RBM20: variants seen among roughly 807,000 people sequenced by gnomAD.
RBM20 encodes RNA-binding protein 20.
A neutral mutation model predicts 110.1 loss-of-function variants in RBM20; 51 were observed. The observed-to-expected ratio is 0.46, with a 90% confidence interval of 0.37 to 0.59. The LOEUF is 0.59. RBM20 is among the 20% of genes least tolerant of loss of function. The pLI is 0.00. For missense variants in RBM20, 1,512 were observed against 1,574.9 expected (o/e 0.96, Z 0.68); for synonymous variants, 589 against 618.2 (o/e 0.95, Z 0.70).
At chr10:110,820,553 C>T (rs1422548301) in intron 10 of RBM20, among the ~76,000 whole-genome samples, 3 of 152,218 alleles carry the variant, frequency 2.0e-5, no homozygotes, top group Admixed American at 1.3e-4. Context: ...CTGACTTCAG[C>T]AGGCCCAGAC....
At chr10:110,649,689 A>C (rs932959647) in intron 1 of RBM20, among the ~76,000 whole-genome samples, 18 of 152,222 alleles carry the variant, frequency 1.2e-4, no homozygotes, top group Non-Finnish European at 4.4e-5. Context: ...ATTGCTGTGG[A>C]TCTGCAGCTA....
intron 1 of RBM20, among the ~76,000 whole-genome samples, chr10:110,671,010 C>T (rs1862249619): frequency 6.6e-6 from 1 of 152,218 alleles, no homozygotes; most frequent in Non-Finnish European, 1.5e-5. Flanking sequence ...TTCATGATGG[C>T]ATTGGCGCTG....
rs1460814416 is a variant in RBM20 at position 110,733,386 on chromosome 10, GC to G, written c.192-47413del. Among the ~76,000 whole-genome samples, 3 of 152,334 alleles carry G rather than the reference GC, an allele frequency of 2.0e-5. No individual in the cohort carries two copies. In the East Asian group the frequency reaches 5.8e-4, roughly 29 times the overall value. ...ATGAGGTGAAACCACACGGTATAGAGCCGGGTGTATGGCTGGGAGGATTGAC... is the reference window on the plus strand; with the variant it reads ...ATGAGGTGAAACCACACGGTATAGAGCGGGTGTATGGCTGGGAGGATTGAC... On this transcript the variant is annotated intron_variant, in intron 1 of 13. Coordinates refer to ENST00000369519, the MANE Select transcript of RBM20 (RefSeq NM_001134363.3).
chr10:110,728,885 A>G (rs947789265), intron 1 of RBM20, among the ~76,000 whole-genome samples: 5 of 152,152 alleles, frequency 3.3e-5, no homozygotes, highest in African/African-American at 9.7e-5. Context: ...TGCTCTGTTT[A>G]TGCACACAGC....
chr10:110,820,096 A>C lies in RBM20; in HGVS notation c.2575A>C (p.Met859Leu), dbSNP rs1844888587. ...GGCTGGAAAAGAGGAACAGGAGGGC[A>C]TGGAAGAAAGCCCTCAATCAGTGGG... is the stretch of plus-strand genomic sequence containing the variant. ...NEAGKEEQEG[M>L]EESPQSVGRQ... Residue 859 changes from methionine (M) to leucine (L), a missense_variant, in exon 10 of 14, where the codon ATG (methionine) becomes CTG (leucine). Physicochemically the swap from Met to Leu is conservative, Grantham distance 15. Transcript: ENST00000369519. 1 of 1,550,786 alleles carries C rather than the reference A, an allele frequency of 6.4e-7. No homozygotes were observed. The highest frequency in any genetic ancestry group is 8.7e-7 in the Non-Finnish European group (1 of 1,146,270).
At chr10:110,819,988 A>G in intron 9 of RBM20, 84 bp from the exon 10 acceptor site, 1 of 800,722 alleles carries the variant, frequency 1.2e-6, no homozygotes. Context: ...GAGAGCTGGG[A>G]CCTGCATTCA....
chr10:110,787,276 C>T (rs923443872), intron 5 of RBM20, among the ~76,000 whole-genome samples: 1 of 152,230 alleles, frequency 6.6e-6, no homozygotes, highest in Admixed American at 6.5e-5. Flanking sequence ...CAGTGGCCAG[C>T]GCCAGACAGT....
intron 1 of RBM20, among the ~76,000 whole-genome samples, chr10:110,727,703 A>G: frequency 6.6e-6 from 1 of 152,206 alleles, no homozygotes. Flanking sequence ...TTACATAGGT[A>G]TACATGTGCT....
intron 7 of RBM20, among the ~76,000 whole-genome samples, chr10:110,809,606 C>T (rs928156611): frequency 9.9e-5 from 15 of 152,136 alleles, no homozygotes; most frequent in African/African-American, 3.6e-4. Flanking sequence ...TAGCCACCGT[C>T]TAATGACCTC....
At chr10:110,651,244 C>T (rs772571188) in intron 1 of RBM20, among the ~76,000 whole-genome samples, 5 of 152,266 alleles carry the variant, frequency 3.3e-5, no homozygotes, top group East Asian at 1.9e-4. Context: ...TAAATTTAGC[C>T]ATGGACACAG....
chr10:110,831,770 A>G (rs540491032), intron 13 of RBM20, among the ~76,000 whole-genome samples: 2 of 151,966 alleles, frequency 1.3e-5, no homozygotes, highest in African/African-American at 4.8e-5. Context: ...ACACTATTCT[A>G]GGGACCAGGG....
chr10:110,751,641 T>C (rs1161744328), intron 1 of RBM20, among the ~76,000 whole-genome samples: 2 of 152,232 alleles, frequency 1.3e-5, no homozygotes, highest in Non-Finnish European at 2.9e-5. Flanking sequence ...TAGACTTCAA[T>C]TGCATCATCC....
chr10:110,748,188 G>T (rs1041424784), intron 1 of RBM20, among the ~76,000 whole-genome samples: 3 of 152,192 alleles, frequency 2.0e-5, no homozygotes, highest in African/African-American at 7.2e-5. Flanking sequence ...CATTTCCTGA[G>T]ATTGAATCAG....
Position 110,784,986 on chromosome 10 carries a change from G to A in RBM20, c.1527+97G>A, listed in dbSNP as rs1844402754. On this transcript the variant is annotated intron_variant, in intron 5 of 13. Coordinates refer to ENST00000369519, the MANE Select transcript of RBM20 (RefSeq NM_001134363.3). ...GAGACAGCCAGGCTGGAATGCAATG[G>A]TGCAATCATATCTCACTGCAGCCTT... is the stretch of plus-strand genomic sequence containing the variant. The A allele has an allele frequency of 3.9e-6, 3 of 778,526 alleles. No homozygotes were observed. The South Asian group carries it at 5.2e-5, about 14-fold the overall frequency. 48.2% of individuals were successfully genotyped at this position (778,526 alleles called of 1,614,324 possible).
intron 1 of RBM20, among the ~76,000 whole-genome samples, chr10:110,690,405 C>CAAA (rs11447889): frequency 8.1e-5 from 12 of 148,762 alleles, no homozygotes; most frequent in Middle Eastern, 3.4e-3. Flanking sequence ...GACCCTGTCT[C>CAAA]AAAAAAAAAC....
At chr10:110,730,362 C>G (rs552571218) in intron 1 of RBM20, among the ~76,000 whole-genome samples, 5 of 152,338 alleles carry the variant, frequency 3.3e-5, no homozygotes, top group Non-Finnish European at 7.3e-5. Context: ...ATTTTAACCT[C>G]ATTAATCCTG....
chr10:110,771,217 T>A (rs1332430244), intron 1 of RBM20, among the ~76,000 whole-genome samples: 3 of 151,944 alleles, frequency 2.0e-5, no homozygotes, highest in Non-Finnish European at 4.4e-5. Flanking sequence ...AGTGCAGTGG[T>A]GTGATCTCAG....
chr10:110,655,763 G>A (rs999088347), intron 1 of RBM20, among the ~76,000 whole-genome samples: 2 of 152,228 alleles, frequency 1.3e-5, no homozygotes, highest in African/African-American at 4.8e-5. Context: ...ATAAACTGGG[G>A]AAGGATTGTG....
chr10:110,810,320 T>G, intron 7 of RBM20, 63 bp from the exon 8 acceptor site: 1 of 1,247,194 alleles, frequency 8.0e-7, no homozygotes. Flanking sequence ...AGGTCAGAGC[T>G]GCTTCCCTCA....
Sources: allele counts gnomAD v4.1 joint callset (sites outside exome capture counted in the v4.1 genomes callset), GRCh38; gene constraint gnomAD v4.1.1; transcripts MANE v1.5; gene names NCBI Gene and HGNC (gene_info 2026-07-23, HGNC 2026-07-21).